The following ST6GALNAC1 variants were observed in gnomAD, a reference collection of about 807,000 sequenced individuals.
ST6GALNAC1 encodes the protein alpha-N-acetylgalactosaminide alpha-2,6-sialyltransferase 1.
ST6GALNAC1 carries 45 observed loss-of-function variants against 56.8 expected under a neutral mutation model. That is an observed-to-expected ratio of 0.79 (90% CI 0.62 to 1.02). The LOEUF is 1.02. ST6GALNAC1 is among the 50% of genes least tolerant of loss of function. The pLI is 0.00. For missense variants in ST6GALNAC1, 743 were observed against 754.8 expected (o/e 0.98, Z 0.18); for synonymous variants, 295 against 297.8 (o/e 0.99, Z 0.10).
In ST6GALNAC1 at chr17:76,625,540, T is replaced by C; in HGVS notation, c.1606-13A>G. 6.2e-7 allele frequency: 1 copy of C among 1,613,070 alleles called. No individual in the cohort carries two copies. Among genetic ancestry groups the C allele is most frequent in the Non-Finnish European group, 8.5e-7 (1 of 1,179,876 alleles). ...CATAAGCACTCACCTACATCACGGT[T>C]GGAGGAGAAACACGGCCTGTAGTTG... On this transcript the variant is annotated splice_polypyrimidine_tract_variant and intron_variant, in intron 8 of 8. Transcript: ENST00000156626.
downstream of ST6GALNAC1, among the ~76,000 whole-genome samples, chr17:76,622,220 G>T (rs2075748920): frequency 6.9e-6 from 1 of 145,600 alleles, no homozygotes; most frequent in African/African-American, 2.5e-5. Flanking sequence ...TTTTCTATTA[G>T]GTTTTTGGTC....
At chr17:76,639,638 AACACACACACACACACAC>A (rs55706272) in intron 1 of ST6GALNAC1, among the ~76,000 whole-genome samples, 3,627 of 125,178 alleles carry the variant, frequency 0.029, 108 homozygotes, top group African/African-American at 0.073. Flanking sequence ...TTACATGATA[AACACACACACACACACAC>A]ACACACACAC....
chr17:76,622,112 A>G (rs1040746453), downstream of ST6GALNAC1, among the ~76,000 whole-genome samples: 1 of 149,858 alleles, frequency 6.7e-6, no homozygotes, highest in Non-Finnish European at 1.5e-5. Flanking sequence ...ATTTCTCACT[A>G]TGAGTCAAAC....
downstream of ST6GALNAC1, among the ~76,000 whole-genome samples, chr17:76,621,182 C>CCTTTTTTTT (rs1555633321): frequency 1.6e-4 from 17 of 105,328 alleles, no homozygotes; most frequent in African/African-American, 5.6e-4. Flanking sequence ...TTCTTTCTTT[C>CCTTTTTTTT]TTTCTTTTTT....
intron 1 of ST6GALNAC1, 103 bp downstream of exon 1, chr17:76,643,404 TG>T: frequency 7.9e-7 from 1 of 1,272,646 alleles, no homozygotes; most frequent in Non-Finnish European, 1.1e-6. Context: ...CACTCCCATG[TG>T]GACACACAGG....
In ST6GALNAC1 at chr17:76,626,782, C is replaced by A; in HGVS notation, c.1180G>T (p.Gly394Ter). The A allele has an allele frequency of 6.2e-7, 1 of 1,614,010 alleles. No homozygotes were observed. Among genetic ancestry groups the A allele is most frequent in the South Asian group, 1.1e-5 (1 of 91,068 alleles). ...DSHDYVFRLS[G>*]ALIKGYEQDV... Reference sequence around the variant, plus strand: ...TGTTCGTAGCCTTTAATGAGAGCTCCGCTCAATCTGTGCAGAAAGACACAA... The same window carrying A: ...TGTTCGTAGCCTTTAATGAGAGCTCAGCTCAATCTGTGCAGAAAGACACAA... The change falls in exon 5 of 9, where the codon GGA becomes TGA. Residue 394 changes from glycine to a stop codon, truncating the protein, a stop_gained. Coordinates refer to ENST00000156626, the MANE Select transcript of ST6GALNAC1 (RefSeq NM_018414.5). LOFTEE classifies it high-confidence loss of function.
At chr17:76,617,972 C>T in the ST6GALNAC1 span, among the ~76,000 whole-genome samples, 14 of 152,300 alleles carry the variant, frequency 9.2e-5, no homozygotes, top group African/African-American at 2.2e-4. Context: ...AAGGGACCCG[C>T]ATGCTGCTGA....
chr17:76,626,434 C>A (rs376023166), intron 5 of ST6GALNAC1, 42 bp from the exon 6 acceptor site: 52 of 1,593,906 alleles, frequency 3.3e-5, no homozygotes, highest in Middle Eastern at 1.9e-4. Flanking sequence ...GTACTGCCTT[C>A]AGGACCACCA....
In ST6GALNAC1 at chr17:76,629,124, A is replaced by C. The variant is rs1314018807; in HGVS notation, c.719T>G (p.Phe240Cys). ...GTTTCTCTGCGTCGTGGGGCTCTGG[A>C]AAGGGGCAGGGGGTGGGGTGGCCTG... Reference protein sequence around the residue: ...KPQATPPPAPFQSPTTQRNQR... With the variant: ...KPQATPPPAPCQSPTTQRNQR... Residue 240 changes from phenylalanine to cysteine, a missense_variant, in exon 2 of 9, where the codon TTC (phenylalanine) becomes TGC (cysteine). Coordinates refer to ENST00000156626, the MANE Select transcript of ST6GALNAC1 (RefSeq NM_018414.5). 1 of 1,611,910 alleles carries C rather than the reference A, an allele frequency of 6.2e-7. No homozygotes were observed. The highest frequency in any genetic ancestry group is 1.1e-5 in the South Asian group (1 of 91,018).
Position 76,626,052 on chromosome 17 carries a change from T to C in ST6GALNAC1, c.1459A>G (p.Arg487Gly). 1 of 1,614,200 alleles carries C rather than the reference T, an allele frequency of 6.2e-7. No individual in the cohort carries two copies. Among genetic ancestry groups the C allele is most frequent in the Non-Finnish European group, 8.5e-7 (1 of 1,180,028 alleles). ...EAFREALHMD[R>G]YLLLHPDFLR... ...AAGTCTGGGTGCAGCAACAGGTACC[T>C]GTCCATGTGCAGGGCTTCCCGAAAA... The change falls in exon 7 of 9, where the codon AGG (arginine) becomes GGG (glycine). Residue 487 changes from arginine (R) to glycine (G), a missense_variant. Arg to Gly is a moderately radical substitution (Grantham distance 125, BLOSUM62 -2). Transcript: ENST00000156626.
rs765885154 is a variant in ST6GALNAC1 at position 76,627,255 on chromosome 17, G to C, written c.1001-17C>G. ...TCTGCACCACTGGAACAAGAGTGGG[G>C]GTGCTCCATTCAGAGCCCTGGGAGG... On this transcript the variant is annotated splice_polypyrimidine_tract_variant and intron_variant, in intron 3 of 8. Coordinates refer to ENST00000156626, the MANE Select transcript of ST6GALNAC1 (RefSeq NM_018414.5). This position sits in a 1 kb window ranked among gnomAD's most constrained non-coding sequence, Gnocchi z 4.4. The C allele has an allele frequency of 6.4e-7, 1 of 1,553,542 alleles. No homozygotes were observed.
the ST6GALNAC1 span, among the ~76,000 whole-genome samples, chr17:76,617,501 G>C: frequency 1.3e-5 from 2 of 152,184 alleles, no homozygotes; most frequent in African/African-American, 4.8e-5. Flanking sequence ...TGCAAAAGAA[G>C]GGACATGTGG....
chr17:76,624,097 C>T (rs1398647618), downstream of ST6GALNAC1, among the ~76,000 whole-genome samples: 1 of 152,192 alleles, frequency 6.6e-6, no homozygotes, highest in Non-Finnish European at 1.5e-5. Flanking sequence ...GCTGGCACTG[C>T]ACCCTTTTAG....
At chr17:76,623,353 C>T (rs957567073), downstream of ST6GALNAC1, among the ~76,000 whole-genome samples, 2 of 152,136 alleles carry the variant, frequency 1.3e-5, no homozygotes, top group African/African-American at 2.4e-5. Flanking sequence ...CATTTTTATC[C>T]TTCCGTATGA....
chr17:76,626,085 G>A lies in ST6GALNAC1; in HGVS notation c.1426C>T (p.Gln476Ter). The A allele has an allele frequency of 6.2e-7, 1 of 1,614,100 alleles. No individual in the cohort carries two copies. Among genetic ancestry groups the A allele is most frequent in the Non-Finnish European group, 8.5e-7 (1 of 1,180,012 alleles). ...KNLFWFRHRPQEAFREALHMD... is the reference protein window; with the variant it reads ...KNLFWFRHRP ...TGCAGGGCTTCCCGAAAAGCTTCCT[G>A]GGGTCTGTGCCTGTGGTTAGGAAGG... is the stretch of plus-strand genomic sequence containing the variant. The change falls in exon 7 of 9, where the codon CAG becomes TAG. Residue 476 changes from glutamine (Q) to a stop codon, truncating the protein, a stop_gained. Coordinates refer to ENST00000156626, the MANE Select transcript of ST6GALNAC1 (RefSeq NM_018414.5). LOFTEE classifies it high-confidence loss of function.
downstream of ST6GALNAC1, among the ~76,000 whole-genome samples, chr17:76,621,151 GTTTCT>G (rs1026951724): frequency 6.4e-4 from 91 of 142,834 alleles, 1 homozygote; most frequent in Middle Eastern, 0.011. Flanking sequence ...CAATCCAGCT[GTTTCT>G]TTTCTTCTCT....
intron 1 of ST6GALNAC1, among the ~76,000 whole-genome samples, chr17:76,640,931 C>T (rs956347456): frequency 6.6e-6 from 1 of 151,956 alleles, no homozygotes; most frequent in African/African-American, 2.4e-5. Flanking sequence ...TAAAAAAAAC[C>T]CAATTCCCTC....
intron 1 of ST6GALNAC1, chr17:76,637,498 A>G: frequency 7.7e-6 from 3 of 389,138 alleles, no homozygotes; most frequent in Non-Finnish European, 1.4e-5. Flanking sequence ...TAATTTTATC[A>G]TTTCAAGAAT....
Position 76,629,032 on chromosome 17 carries a change from C to T in ST6GALNAC1, c.811G>A (p.Glu271Lys), listed in dbSNP as rs375163408. The change falls in exon 2 of 9, where the codon GAA becomes AAA. Residue 271 changes from glutamate (E) to lysine (K), a missense_variant. Physicochemically the swap from Glu to Lys is moderately conservative, Grantham distance 56. Transcript: ENST00000156626. ...RWDFEEKYSF[E>K]IGGLQTTCPD... ...CTCACCGTCTGAAGGCCTCCTATTT[C>T]GAAGCTGTATTTTTCCTCAAAATCC... 137 of 1,532,754 alleles carry T rather than the reference C, an allele frequency of 8.9e-5. No homozygotes were observed. The highest frequency in any genetic ancestry group is 1.0e-4 in the Non-Finnish European group (118 of 1,141,408). 94.9% of individuals were successfully genotyped at this position (1,532,754 alleles called of 1,614,324 possible). A position where few individuals can be genotyped will look rare whatever the true frequency, so the allele number is the denominator to read the frequency against.
Sources: allele counts gnomAD v4.1 joint callset (sites outside exome capture counted in the v4.1 genomes callset), GRCh38; gene constraint gnomAD v4.1.1; non-coding constraint Gnocchi (gnomAD v3.1); transcripts MANE v1.5; gene names NCBI Gene and HGNC (gene_info 2026-07-23, HGNC 2026-07-21).